CAMSAP2: variants seen among roughly 807,000 people sequenced by gnomAD.
CAMSAP2 encodes the protein calmodulin-regulated spectrin-associated protein 2.
CAMSAP2 carries 26 observed loss-of-function variants against 146.1 expected under a neutral mutation model. The ratio of observed to expected loss-of-function variants is 0.18; its 90% CI spans 0.13 to 0.25. The LOEUF is 0.25. Among genes scored for constraint, CAMSAP2 ranks in the 10% least tolerant of loss-of-function variants. CAMSAP2 has a pLI of 1.00. For synonymous variants in CAMSAP2, 499 were observed against 596.6 expected, an observed-to-expected ratio of 0.84 and a Z score of 2.38; for missense variants, 1,381 against 1,759.3, an observed-to-expected ratio of 0.78 and a Z score of 3.85.
Position 200,741,402 on chromosome 1 carries a change from A to G in CAMSAP2, c.139+1436A>G, listed in dbSNP as rs116099907. ...ATAAAAACATTCTGGCACCACTGATATAAGCAGTGAGAATAATAGATGTAT... is the reference window on the plus strand; with the variant it reads ...ATAAAAACATTCTGGCACCACTGATGTAAGCAGTGAGAATAATAGATGTAT... On this transcript the variant is annotated intron_variant, in intron 1 of 16. Coordinates refer to ENST00000358823, the MANE Select transcript of CAMSAP2 (RefSeq NM_203459.4). Among the ~76,000 whole-genome samples the G allele has an allele frequency of 6.6e-3, 1,004 of 152,378 alleles. 13 individuals carry two copies. The highest frequency in any genetic ancestry group is 0.02 in the African/African-American group (842 of 41,592).
chr1:200,802,738 G>T (rs942018571), intron 2 of CAMSAP2, among the ~76,000 whole-genome samples: 2 of 152,020 alleles, frequency 1.3e-5, no homozygotes, highest in Non-Finnish European at 2.9e-5. Context: ...TGCAGTAGTA[G>T]ATCTTTTATC....
intron 6 of CAMSAP2, among the ~76,000 whole-genome samples, chr1:200,841,712 A>G (rs1487360821): frequency 6.6e-6 from 1 of 152,154 alleles, no homozygotes; most frequent in East Asian, 1.9e-4. Flanking sequence ...AAAGTGCCTT[A>G]TATATTATCT....
intron 2 of CAMSAP2, among the ~76,000 whole-genome samples, chr1:200,786,423 G>A (rs1035328840): frequency 6.8e-6 from 1 of 148,014 alleles, no homozygotes; most frequent in Admixed American, 6.8e-5. Flanking sequence ...TTGCTCTGTC[G>A]CCCAGGCTGG....
At chr1:200,779,469 C>T (rs1315890607) in intron 2 of CAMSAP2, among the ~76,000 whole-genome samples, 1 of 152,068 alleles carries the variant, frequency 6.6e-6, no homozygotes, top group East Asian at 1.9e-4. Context: ...GCCTTCAGGA[C>T]ACCCAGGAAA....
chr1:200,850,683 A>G (rs1667597240), intron 11 of CAMSAP2, among the ~76,000 whole-genome samples: 1 of 152,216 alleles, frequency 6.6e-6, no homozygotes, highest in Non-Finnish European at 1.5e-5. Flanking sequence ...TTAGTATAAA[A>G]CAGGCAGTAC....
intron 2 of CAMSAP2, among the ~76,000 whole-genome samples, chr1:200,772,368 G>A (rs898129399): frequency 6.6e-6 from 1 of 152,136 alleles, no homozygotes; most frequent in Non-Finnish European, 1.5e-5. Flanking sequence ...CAGCACTTTG[G>A]GAGGCTGAGA....
At chr1:200,817,600 C>T (rs910233308) in intron 4 of CAMSAP2, among the ~76,000 whole-genome samples, 2 of 152,064 alleles carry the variant, frequency 1.3e-5, no homozygotes, top group Non-Finnish European at 2.9e-5. Context: ...CACAGTACTT[C>T]TATTATTTTG....
At position 200,739,776 on chromosome 1, in the gene CAMSAP2, C is replaced by T. The variant is rs1664099763; in HGVS notation, c.-52C>T. 6.4e-7 allele frequency: 1 copy of T among 1,560,432 alleles called. No individual in the cohort carries two copies. The highest frequency in any genetic ancestry group is 8.7e-7 in the Non-Finnish European group (1 of 1,149,226). On this transcript the variant is annotated 5_prime_UTR_variant, in exon 1 of 17. Coordinates refer to ENST00000358823, the MANE Select transcript of CAMSAP2 (RefSeq NM_203459.4). The surrounding 1 kb of genome is among the most constrained non-coding windows in gnomAD (Gnocchi z 4.8). ...CCTCCCGACCCCCGTGGTGGCGAGGCCACGCCATGTGAAGGTTAGGGCCGG... is the reference window on the plus strand; with the variant it reads ...CCTCCCGACCCCCGTGGTGGCGAGGTCACGCCATGTGAAGGTTAGGGCCGG...
chr1:200,792,901 A>G (rs1665792421), intron 2 of CAMSAP2, among the ~76,000 whole-genome samples: 2 of 152,154 alleles, frequency 1.3e-5, no homozygotes, highest in Non-Finnish European at 2.9e-5. Flanking sequence ...AGGTGTTACC[A>G]TTGGGGGAAA....
intron 4 of CAMSAP2, among the ~76,000 whole-genome samples, chr1:200,822,430 A>G (rs1666798539): frequency 6.6e-6 from 1 of 152,138 alleles, no homozygotes. Flanking sequence ...TGACATTTTT[A>G]AAGAATCGGG....
At chr1:200,833,262 A>C (rs1484800829) in intron 6 of CAMSAP2, among the ~76,000 whole-genome samples, 2 of 151,850 alleles carry the variant, frequency 1.3e-5, no homozygotes, top group Non-Finnish European at 2.9e-5. Context: ...GCCAAACTTA[A>C]AGTCATGTAC....
intron 8 of CAMSAP2, among the ~76,000 whole-genome samples, chr1:200,846,391 A>G (rs540962947): frequency 1.3e-5 from 2 of 152,312 alleles, no homozygotes; most frequent in African/African-American, 4.8e-5. Flanking sequence ...AAATGTTTTA[A>G]TTCATGTCCT....
chr1:200,814,508 G>GT lies in CAMSAP2; in HGVS notation c.562-1051dup, dbSNP rs1417007046. ...GCCTGTAATCCCAGTTACTCAGGAGGTTGAGGCAGGAGAATTGCTTGAACC... is the reference window on the plus strand; with the variant it reads ...GCCTGTAATCCCAGTTACTCAGGAGGTTTGAGGCAGGAGAATTGCTTGAACC... On this transcript the variant is annotated intron_variant, in intron 3 of 16. Transcript: ENST00000358823. Among the ~76,000 whole-genome samples the GT allele has an allele frequency of 8.0e-5, 12 of 150,636 alleles. No homozygotes were observed. The Admixed American group carries it at 8.0e-4, about 10-fold the overall frequency.
At chr1:200,814,575 A>C (rs1328216885) in intron 3 of CAMSAP2, among the ~76,000 whole-genome samples, 3 of 138,536 alleles carry the variant, frequency 2.2e-5, no homozygotes, top group Non-Finnish European at 3.0e-5. Context: ...GTGCCACTGC[A>C]CTCCAGCCTG....
chr1:200,778,059 G>C (rs1482694143), intron 2 of CAMSAP2, among the ~76,000 whole-genome samples: 1 of 152,132 alleles, frequency 6.6e-6, no homozygotes, highest in Non-Finnish European at 1.5e-5. Flanking sequence ...GCAACATAGT[G>C]AGAACTTGTT....
intron 1 of CAMSAP2, among the ~76,000 whole-genome samples, chr1:200,751,891 C>G (rs1164418082): frequency 6.6e-6 from 1 of 152,104 alleles, no homozygotes; most frequent in Non-Finnish European, 1.5e-5. Flanking sequence ...GTGGGTGTAA[C>G]AGGTGCAAAA....
intron 1 of CAMSAP2, among the ~76,000 whole-genome samples, chr1:200,756,524 C>T (rs1571720567): frequency 1.3e-5 from 2 of 152,056 alleles, no homozygotes; most frequent in East Asian, 3.9e-4. Flanking sequence ...CTTTTAAAAT[C>T]TAAAGCCTAT....
intron 1 of CAMSAP2, among the ~76,000 whole-genome samples, chr1:200,753,972 C>T (rs1244512448): frequency 6.6e-6 from 1 of 152,186 alleles, no homozygotes. Context: ...CAAAGATATT[C>T]AGACAGATGA....
rs776861335 is a variant in CAMSAP2, at chr1:200,848,230, A to G, written c.1461A>G (p.Glu487=). ...GAGAAGAGGAAGCAGAGAGCATTGA[A>G]GAAGAACTTAATATAGATTCTCACA... ...INGEEEAESI[E]EELNIDSHSD... The change falls in exon 11 of 17, where the codon GAA becomes GAG. Residue 487 remains glutamate (E), a synonymous_variant. Transcript: ENST00000358823. 7.4e-6 allele frequency: 12 copies of G among 1,613,710 alleles called. No homozygotes were observed. In the Admixed American group the frequency reaches 1.0e-4, roughly 13 times the overall value.
Sources: allele counts gnomAD v4.1 joint callset (sites outside exome capture counted in the v4.1 genomes callset), GRCh38; gene constraint gnomAD v4.1.1; non-coding constraint Gnocchi (gnomAD v3.1); transcripts MANE v1.5; gene names NCBI Gene and HGNC (gene_info 2026-07-23, HGNC 2026-07-21).